The following FBXO32 variants were observed in gnomAD, a reference collection of about 807,000 sequenced individuals.
The protein encoded by FBXO32 is F-box only protein 32.
FBXO32 carries 15 observed loss-of-function variants against 48.3 expected under a neutral mutation model. The ratio of observed to expected loss-of-function variants is 0.31; its 90% CI spans 0.21 to 0.48. The LOEUF is 0.48. FBXO32 is among the 20% of genes least tolerant of loss of function. The probability of loss-of-function intolerance (pLI) is 0.99; values close to 1 mark genes in which losing one functional copy is unlikely to be tolerated. For synonymous variants in FBXO32, 154 were observed against 165.9 expected (o/e 0.93, Z 0.55); for missense variants, 309 against 432.7 (o/e 0.71, Z 2.54).
chr8:123,498,322 T>C lies in FBXO32; in HGVS notation c.*5051A>G, dbSNP rs908668423. On this transcript the variant is annotated 3_prime_UTR_variant, in exon 9 of 9. Coordinates refer to ENST00000517956, the MANE Select transcript of FBXO32 (RefSeq NM_058229.4). Reference sequence around the variant, plus strand: ...ATACTCAAAGACAGAAAAAGTCATGTTTAAACTCCAGAAATAATGTAGCAG... The same window carrying C: ...ATACTCAAAGACAGAAAAAGTCATGCTTAAACTCCAGAAATAATGTAGCAG... The C allele has an allele frequency of 1.3e-5, 2 of 152,232 alleles. No individual in the cohort carries two copies. Among genetic ancestry groups the C allele is most frequent in the African/African-American group, 4.8e-5 (2 of 41,456 alleles). The allele number at this position is 152,232 out of a possible 1,614,324, so 9.4% of individuals were successfully genotyped here. A position where few individuals can be genotyped will look rare whatever the true frequency, so the allele number is the denominator to read the frequency against.
rs1250102898 is a variant in FBXO32 at position 123,524,227 on chromosome 8, TCTGCA to T, written c.372+7666_372+7670del. 5.9e-5 allele frequency among the ~76,000 whole-genome samples: 9 copies of T among 152,316 alleles called. No individual in the cohort carries two copies. The East Asian group carries it at 1.7e-3, about 29-fold the overall frequency. ...CCACTTTTTCAGGTGGCCTCCTTTT[TCTGCA>T]CAGCCCCCTCCAATTCTGTGGCCAT... On this transcript the variant is annotated intron_variant, in intron 4 of 8. Transcript: ENST00000517956.
rs115358863 is a variant in FBXO32 at position 123,526,151 on chromosome 8, T to G, written c.372+5747A>C. 1.8e-3 allele frequency among the ~76,000 whole-genome samples: 277 copies of G among 152,256 alleles called. 2 individuals carry two copies. The highest frequency in any genetic ancestry group is 6.2e-3 in the African/African-American group (259 of 41,558). On this transcript the variant is annotated intron_variant, in intron 4 of 8. Coordinates refer to ENST00000517956, the MANE Select transcript of FBXO32 (RefSeq NM_058229.4). Reference sequence around the variant, plus strand: ...GGGTGCTATTGTCATCATTTCCATTTTACAGATGGGCGAGTGAGGCCTGAC... The same window carrying G: ...GGGTGCTATTGTCATCATTTCCATTGTACAGATGGGCGAGTGAGGCCTGAC...
chr8:123,506,357 G>A lies in FBXO32; in HGVS notation c.834+35C>T. ...AAGTTTGGGGTGAGGGCCAGAGAAGGAGGGTGGGAGGAAAGCCCACTGGGC... is the reference window on the plus strand; with the variant it reads ...AAGTTTGGGGTGAGGGCCAGAGAAGAAGGGTGGGAGGAAAGCCCACTGGGC... On this transcript the variant is annotated intron_variant, in intron 7 of 8. Coordinates refer to ENST00000517956, the MANE Select transcript of FBXO32 (RefSeq NM_058229.4). The surrounding 1 kb of genome is among the most constrained non-coding windows in gnomAD (Gnocchi z 4.0). The A allele has an allele frequency of 6.2e-7, 1 of 1,607,980 alleles. No individual in the cohort carries two copies. The highest frequency in any genetic ancestry group is 8.5e-7 in the Non-Finnish European group (1 of 1,177,568).
intron 6 of FBXO32, among the ~76,000 whole-genome samples, chr8:123,510,554 A>C (rs1218834251): frequency 1.3e-5 from 2 of 152,212 alleles, no homozygotes; most frequent in Non-Finnish European, 2.9e-5. Flanking sequence ...TGGAGGCTGC[A>C]GTGAGCTGAG....
rs1816502941 is a variant in FBXO32 at position 123,502,023 on chromosome 8, T to C, written c.*1350A>G. ...CAGTTACCTGCTGATATTTGCCTCG[T>C]AAGATCCCCTTGGGATCTTCCTGTT... On this transcript the variant is annotated 3_prime_UTR_variant, in exon 9 of 9. Coordinates refer to ENST00000517956, the MANE Select transcript of FBXO32 (RefSeq NM_058229.4). The C allele has an allele frequency of 6.6e-6, 1 of 152,164 alleles. No individual in the cohort carries two copies. The highest frequency in any genetic ancestry group is 2.4e-5 in the African/African-American group (1 of 41,438). The allele number at this position is 152,164 out of a possible 1,614,324, so 9.4% of individuals were successfully genotyped here. A position where few individuals can be genotyped will look rare whatever the true frequency, so the allele number is the denominator to read the frequency against.
intron 7 of FBXO32, among the ~76,000 whole-genome samples, chr8:123,505,917 C>T (rs752580721): frequency 6.6e-6 from 1 of 151,946 alleles, no homozygotes; most frequent in Non-Finnish European, 1.5e-5. Context: ...ACACACACAA[C>T]ATCTCTATTT....
chr8:123,540,886 C>T lies in FBXO32; in HGVS notation c.116+13G>A. ...TTTCGCGGGGGCTGGAAGTTGGTAGCGGGTCCCCTCACCTGCTGAGGTCGC... is the reference window on the plus strand; with the variant it reads ...TTTCGCGGGGGCTGGAAGTTGGTAGTGGGTCCCCTCACCTGCTGAGGTCGC... On this transcript the variant is annotated intron_variant, in intron 1 of 8. Transcript: ENST00000517956. The surrounding 1 kb of genome is among the most constrained non-coding windows in gnomAD (Gnocchi z 6.4). 1 of 1,606,856 alleles carries T rather than the reference C, an allele frequency of 6.2e-7. No homozygotes were observed. Among genetic ancestry groups the T allele is most frequent in the African/African-American group, 1.3e-5 (1 of 74,776 alleles).
intron 4 of FBXO32, among the ~76,000 whole-genome samples, chr8:123,519,141 A>G (rs1816897794): frequency 6.6e-6 from 1 of 152,218 alleles, no homozygotes; most frequent in African/African-American, 2.4e-5. Flanking sequence ...ATATTCTGAC[A>G]GTTTCAGGAC....
intron 2 of FBXO32, 101 bp from the exon 3 acceptor site, chr8:123,533,341 A>G (rs2130557087): frequency 1.1e-5 from 11 of 988,590 alleles, no homozygotes; most frequent in Non-Finnish European, 1.7e-5. Flanking sequence ...GTTTTGACAA[A>G]AAAGATAAGG....
chr8:123,513,143 C>T lies in FBXO32; in HGVS notation c.651+55G>A. The T allele has an allele frequency of 6.4e-7, 1 of 1,569,346 alleles. No homozygotes were observed. Among genetic ancestry groups the T allele is most frequent in the Non-Finnish European group, 8.8e-7 (1 of 1,141,260 alleles). ...AATTCAAAGTCTTGGCGAGTCTGTC[C>T]AGTATCCCTGTGGAGGGACCCACTG... On this transcript the variant is annotated intron_variant, in intron 6 of 8. Transcript: ENST00000517956. This position sits in a 1 kb window ranked among gnomAD's most constrained non-coding sequence, Gnocchi z 4.3.
Position 123,540,810 on chromosome 8 carries a change from T to A in FBXO32, c.116+89A>T. ...CTCCCTCCTCAGCCCGCTCCAGCCCTGCCTGCCCCTCATTCGCCGTCCCTG... is the reference window on the plus strand; with the variant it reads ...CTCCCTCCTCAGCCCGCTCCAGCCCAGCCTGCCCCTCATTCGCCGTCCCTG... On this transcript the variant is annotated intron_variant, in intron 1 of 8. Coordinates refer to ENST00000517956, the MANE Select transcript of FBXO32 (RefSeq NM_058229.4). This position sits in a 1 kb window ranked among gnomAD's most constrained non-coding sequence, Gnocchi z 6.4. The A allele has an allele frequency of 8.8e-7, 1 of 1,132,708 alleles. No homozygotes were observed. The highest frequency in any genetic ancestry group is 1.3e-6 in the Non-Finnish European group (1 of 775,396). The allele number at this position is 1,132,708 out of a possible 1,614,324, so 70.2% of individuals were successfully genotyped here.
chr8:123,504,083 C>CAAGAAA (rs1816559849), intron 8 of FBXO32, among the ~76,000 whole-genome samples: 1 of 88,320 alleles, frequency 1.1e-5, no homozygotes, highest in African/African-American at 3.6e-5. Flanking sequence ...GACTCCGTCT[C>CAAGAAA]AAAAAAAAAA....
intron 2 of FBXO32, 61 bp downstream of exon 2, chr8:123,534,641 A>C: frequency 9.1e-7 from 1 of 1,101,582 alleles, no homozygotes; most frequent in East Asian, 2.4e-5. Flanking sequence ...TTTTTCATCC[A>C]AGAACCAATC....
chr8:123,534,736 C>T lies in FBXO32; in HGVS notation c.195G>A (p.Lys65=). 1 of 1,613,878 alleles carries T rather than the reference C, an allele frequency of 6.2e-7. No homozygotes were observed. Among genetic ancestry groups the T allele is most frequent in the African/African-American group, 1.3e-5 (1 of 75,032 alleles). ...LNYDVAAKKR[K]KDMLNSKTKT... is the part of the protein sequence containing the mutation. Reference sequence around the variant, plus strand: ...TGGTTTTGCTATTCAGCATGTCCTTCTTTCTCTTCTTGGCTGCAACATCAT... The same window carrying T: ...TGGTTTTGCTATTCAGCATGTCCTTTTTTCTCTTCTTGGCTGCAACATCAT... The change falls in exon 2 of 9, where the codon AAG becomes AAA. Residue 65 remains lysine, a synonymous_variant. Transcript: ENST00000517956.
rs9643180 is a variant in FBXO32, at chr8:123,506,710, A to G, written c.652-136T>C. The G allele has an allele frequency of 6.1e-4, 421 of 687,516 alleles. 7 individuals are homozygous for G. Among genetic ancestry groups the G allele is most frequent in the East Asian group, 2.0e-3 (73 of 35,676 alleles). The allele number at this position is 687,516 out of a possible 1,614,324, so 42.6% of individuals were successfully genotyped here. ...TGATAAGAGGTCGAAAGCAGTAGTAAATCTCCCCATCCTAAATGCAGACAG... is the reference window on the plus strand; with the variant it reads ...TGATAAGAGGTCGAAAGCAGTAGTAGATCTCCCCATCCTAAATGCAGACAG... On this transcript the variant is annotated intron_variant, in intron 6 of 8. Transcript: ENST00000517956. The surrounding 1 kb of genome is among the most constrained non-coding windows in gnomAD (Gnocchi z 4.0).
Position 123,525,334 on chromosome 8 carries a change from C to T in FBXO32, c.372+6564G>A, listed in dbSNP as rs545129673. ...GGGTTGCAAGCTTTTATTTGTTCTTCTTGATCCACTAGCACATACGGGTCA... is the reference window on the plus strand; with the variant it reads ...GGGTTGCAAGCTTTTATTTGTTCTTTTTGATCCACTAGCACATACGGGTCA... On this transcript the variant is annotated intron_variant, in intron 4 of 8. Coordinates refer to ENST00000517956, the MANE Select transcript of FBXO32 (RefSeq NM_058229.4). This position sits in a 1 kb window ranked among gnomAD's most constrained non-coding sequence, Gnocchi z 4.3. Among the ~76,000 whole-genome samples, 6 of 152,230 alleles carry T rather than the reference C, an allele frequency of 3.9e-5. No homozygotes were observed. Among genetic ancestry groups the T allele is most frequent in the African/African-American group, 1.4e-4 (6 of 41,556 alleles).
In FBXO32 at chr8:123,531,988, G is replaced by A. The variant is rs1340477215; in HGVS notation, c.282C>T (p.Arg94=). Residue 94 remains arginine, a splice_region_variant and synonymous_variant, in exon 4 of 9, where the codon CGC becomes CGT. Coordinates refer to ENST00000517956, the MANE Select transcript of FBXO32 (RefSeq NM_058229.4). ...CTTCCCCCAGGGTGCAATATCCATG[G>A]CGCTGAACATGAAAACAAAGGCACA... The part of the protein sequence containing the change: ...IYVHKGSTKE[R]HGYCTLGEAF... 2 of 1,614,002 alleles carry A rather than the reference G, an allele frequency of 1.2e-6. No homozygotes were observed. Among genetic ancestry groups the A allele is most frequent in the Non-Finnish European group, 1.7e-6 (2 of 1,179,982 alleles).
intron 8 of FBXO32, 149 bp downstream of exon 8, chr8:123,504,455 C>T: frequency 3.4e-6 from 1 of 296,696 alleles, no homozygotes; most frequent in Middle Eastern, 1.2e-3. Flanking sequence ...CCCCACCCTC[C>T]CAGGCACTGA....
At chr8:123,508,289 G>A (rs1387659412) in intron 6 of FBXO32, among the ~76,000 whole-genome samples, 1 of 152,174 alleles carries the variant, frequency 6.6e-6, no homozygotes, top group Non-Finnish European at 1.5e-5. Context: ...GGAGACACTA[G>A]GTCTGGGCAG....
Sources: allele counts gnomAD v4.1 joint callset (sites outside exome capture counted in the v4.1 genomes callset), GRCh38; gene constraint gnomAD v4.1.1; non-coding constraint Gnocchi (gnomAD v3.1); transcripts MANE v1.5; gene names NCBI Gene and HGNC (gene_info 2026-07-23, HGNC 2026-07-21).